The following CHRNA5 variants were observed in gnomAD, a reference collection of about 807,000 sequenced individuals.
CHRNA5 encodes the protein neuronal acetylcholine receptor subunit alpha-5.
In CHRNA5, 28 loss-of-function variants were observed where a neutral mutation model predicts 41.2. The ratio of observed to expected loss-of-function variants is 0.68; its 90% confidence interval spans 0.50 to 0.93. The LOEUF (loss-of-function observed/expected upper bound fraction) is 0.93, where lower values mean the gene tolerates loss of function less well. CHRNA5 is among the 40% of genes least tolerant of loss of function. The pLI is 0.00. For missense variants in CHRNA5, 481 were observed against 581.9 expected (o/e 0.83, Z 1.78); for synonymous variants, 188 against 205.8 (o/e 0.91, Z 0.74).
rs191723929 is a variant in CHRNA5, at chr15:78,571,090, A to G, written c.106+5265A>G. Among the ~76,000 whole-genome samples, 62 of 152,348 alleles carry G rather than the reference A, an allele frequency of 4.1e-4. 1 individual carries two copies. The highest frequency in any genetic ancestry group is 3.7e-3 in the Admixed American group (57 of 15,296). On this transcript the variant is annotated intron_variant, in intron 1 of 5. Transcript: ENST00000299565. The stretch of plus-strand genomic sequence containing the variant: ...GATGCTGATCCAGTAGGTCAGAAGC[A>G]GGGCCTGAGACTCTGCATTTCTAAC...
exon 6 of CHRNA5, chr15:78,595,233 G>C (rs1236438613): frequency 1.1e-6 from 1 of 944,032 alleles, no homozygotes; most frequent in African/African-American, 1.8e-5. Flanking sequence ...TACCATTACT[G>C]TTACTTATGA....
chr15:78,586,627 A>G lies in CHRNA5; in HGVS notation c.259-18A>G, dbSNP rs1395216102. ...CTGTAATTGAAATCAATCTTATTTAAATTTTTATTTTTTAAAGGATGAGAA... is the reference window on the plus strand; with the variant it reads ...CTGTAATTGAAATCAATCTTATTTAGATTTTTATTTTTTAAAGGATGAGAA... On this transcript the variant is annotated intron_variant, in intron 2 of 5. Transcript: ENST00000299565. 4 of 1,435,300 alleles carry G rather than the reference A, an allele frequency of 2.8e-6. No homozygotes were observed. In the African/African-American group the frequency reaches 5.7e-5, roughly 20 times the overall value. The allele number at this position is 1,435,300 out of a possible 1,614,324, so 88.9% of individuals were successfully genotyped here. A position where few individuals can be genotyped will look rare whatever the true frequency, so the allele number is the denominator to read the frequency against.
chr15:78,583,514 A>C (rs1181491492), intron 2 of CHRNA5, among the ~76,000 whole-genome samples: 2 of 152,102 alleles, frequency 1.3e-5, no homozygotes, highest in Non-Finnish European at 2.9e-5. Flanking sequence ...TAACACGGTG[A>C]AACCCCGTCT....
intron 3 of CHRNA5, among the ~76,000 whole-genome samples, chr15:78,587,827 A>G (rs2052975459): frequency 6.6e-6 from 1 of 152,136 alleles, no homozygotes; most frequent in Non-Finnish European, 1.5e-5. Flanking sequence ...TGAAAGGCAT[A>G]TATGCTTTTC....
intron 1 of CHRNA5, among the ~76,000 whole-genome samples, chr15:78,575,853 C>T (rs1386023842): frequency 6.6e-6 from 1 of 152,122 alleles, no homozygotes; most frequent in Admixed American, 6.5e-5. Context: ...GTGTGAAGTG[C>T]TGTTTCATTG....
Position 78,589,635 on chromosome 15 carries a change from T to C in CHRNA5, c.414-170T>C, listed in dbSNP as rs565721253. The stretch of plus-strand genomic sequence containing the variant: ...TAGAGTTAGATATTTAAGGAAGATA[T>C]TCCTGGAGCAGGGTCCCTATGTAGC... On this transcript the variant is annotated intron_variant, in intron 4 of 5. Coordinates refer to ENST00000299565, the Ensembl canonical transcript of CHRNA5. The C allele has an allele frequency of 1.6e-5, 9 of 551,226 alleles. No individual in the cohort carries two copies. In the African/African-American group the frequency reaches 1.7e-4, roughly 11 times the overall value. The allele number at this position is 551,226 out of a possible 1,614,324, so 34.1% of individuals were successfully genotyped here.
intron 3 of CHRNA5, among the ~76,000 whole-genome samples, chr15:78,587,631 C>CAGAG (rs1243633052): frequency 6.6e-6 from 1 of 151,456 alleles, no homozygotes; most frequent in East Asian, 2.0e-4. Context: ...AGGATTCTGA[C>CAGAG]TCTCTAAGGT....
chr15:78,585,791 C>CTTTTTTTTTTTTTTTTTT, intron 2 of CHRNA5, among the ~76,000 whole-genome samples: 1 of 130,612 alleles, frequency 7.7e-6, no homozygotes, highest in Non-Finnish European at 1.6e-5. Flanking sequence ...TCTTTTCTTT[C>CTTTTTTTTTTTTTTTTTT]TTTTTTTTTT....
intron 1 of CHRNA5, among the ~76,000 whole-genome samples, chr15:78,573,448 C>T (rs1827584223): frequency 6.6e-6 from 1 of 152,150 alleles, no homozygotes; most frequent in South Asian, 2.1e-4. Flanking sequence ...AGACAGGCAC[C>T]AGGTCTTCGT....
At position 78,582,598 on chromosome 15, in the gene CHRNA5, A is replaced by G. The variant is rs377673126; in HGVS notation, c.258+1636A>G. On this transcript the variant is annotated intron_variant, in intron 2 of 5. Transcript: ENST00000299565. Reference sequence around the variant, plus strand: ...GTGTAGAAAACTGTAGCACTAAATCATGATGCCAGAAAGAGCTGGGAATGC... The same window carrying G: ...GTGTAGAAAACTGTAGCACTAAATCGTGATGCCAGAAAGAGCTGGGAATGC... 4.6e-5 allele frequency among the ~76,000 whole-genome samples: 7 copies of G among 152,318 alleles called. No homozygotes were observed. In the East Asian group the frequency reaches 1.3e-3, roughly 29 times the overall value.
At chr15:78,575,288 T>C (rs771601691) in intron 1 of CHRNA5, among the ~76,000 whole-genome samples, 1 of 152,228 alleles carries the variant, frequency 6.6e-6, no homozygotes, top group African/African-American at 2.4e-5. Flanking sequence ...GTGACATTAC[T>C]GTATACACAT....
At chr15:78,579,799 G>A (rs1162838291) in intron 1 of CHRNA5, among the ~76,000 whole-genome samples, 2 of 152,114 alleles carry the variant, frequency 1.3e-5, no homozygotes, top group Non-Finnish European at 2.9e-5. Flanking sequence ...TAGATTGGGA[G>A]GCTCAACCCT....
chr15:78,587,502 T>C (rs1013678240), intron 3 of CHRNA5, among the ~76,000 whole-genome samples: 10 of 151,898 alleles, frequency 6.6e-5, no homozygotes, highest in African/African-American at 2.4e-4. Context: ...GTTTAAGCAG[T>C]TGCAAGGAGG....
At chr15:78,581,851 A>G (rs1489248940) in intron 2 of CHRNA5, among the ~76,000 whole-genome samples, 1 of 152,202 alleles carries the variant, frequency 6.6e-6, no homozygotes, top group South Asian at 2.1e-4. Flanking sequence ...CTACTATGAC[A>G]TGATGAACAT....
At chr15:78,579,401 G>C (rs574138217) in intron 1 of CHRNA5, among the ~76,000 whole-genome samples, 1 of 152,152 alleles carries the variant, frequency 6.6e-6, no homozygotes, top group Non-Finnish European at 1.5e-5. Flanking sequence ...TTACAGGCGT[G>C]TGCCACCATG....
intron 1 of CHRNA5, among the ~76,000 whole-genome samples, chr15:78,579,353 A>G (rs1408034755): frequency 6.6e-6 from 1 of 152,154 alleles, no homozygotes; most frequent in Non-Finnish European, 1.5e-5. Context: ...TCCCGGGCTC[A>G]AGCAGTTCTC....
At chr15:78,576,748 G>T (rs954917547) in intron 1 of CHRNA5, among the ~76,000 whole-genome samples, 2 of 150,666 alleles carry the variant, frequency 1.3e-5, no homozygotes, top group African/African-American at 4.9e-5. Flanking sequence ...GCAGTGAGCC[G>T]TGATGGCGCC....
chr15:78,565,952 G>A (rs1015869268), intron 1 of CHRNA5, 127 bp downstream of exon 1: 2 of 393,570 alleles, frequency 5.1e-6, no homozygotes, highest in Non-Finnish European at 8.3e-6. Context: ...TTTTTCTCCT[G>A]GGGGCTTGGA....
At chr15:78,594,729 A>G (rs1825411326) in exon 6 of CHRNA5, 1 of 152,200 alleles carries the variant, frequency 6.6e-6, no homozygotes, top group Non-Finnish European at 1.5e-5. Context: ...TCTAATATGA[A>G]ACACAGTATT....
Sources: gnomAD v4.1 joint callset for allele counts (sites outside exome capture counted in the v4.1 genomes callset) on GRCh38, gnomAD v4.1.1 for gene constraint, MANE v1.5 for transcripts, NCBI Gene and HGNC (gene_info 2026-07-23, HGNC 2026-07-21) for gene names.